NBAS: variants seen among roughly 807,000 people sequenced by gnomAD.
The protein encoded by NBAS is NAG/BC035112 fusion.
In NBAS, 219 loss-of-function variants were observed where a neutral mutation model predicts 302.5. That is an observed-to-expected ratio of 0.72 (90% CI 0.65 to 0.81). The LOEUF is 0.81. NBAS is among the 30% of genes least tolerant of loss of function. The pLI is 0.00. For synonymous variants in NBAS, 1,118 were observed against 1,021.6 expected, an observed-to-expected ratio of 1.09 and a Z score of -1.80; for missense variants, 2,932 against 2,841.6, an observed-to-expected ratio of 1.03 and a Z score of -0.72.
chr2:14,801,496 T>C, the NBAS span, among the ~76,000 whole-genome samples: 4 of 152,176 alleles, frequency 2.6e-5, no homozygotes, highest in African/African-American at 9.7e-5. Context: ...TCTAGAAATT[T>C]GTGTTTTTTT....
At chr2:14,817,024 C>T in the NBAS span, among the ~76,000 whole-genome samples, 3 of 152,178 alleles carry the variant, frequency 2.0e-5, no homozygotes, top group African/African-American at 7.2e-5. Flanking sequence ...AATAATTAGC[C>T]TCTTCCCTGA....
At chr2:15,203,228 A>G (rs1180430368) in intron 48 of NBAS, among the ~76,000 whole-genome samples, 1 of 152,204 alleles carries the variant, frequency 6.6e-6, no homozygotes, top group Non-Finnish European at 1.5e-5. Context: ...TCATAGTTAT[A>G]TATCATTCTG....
chr2:15,200,641 T>A (rs560580196), intron 48 of NBAS, among the ~76,000 whole-genome samples: 1 of 152,340 alleles, frequency 6.6e-6, no homozygotes, highest in East Asian at 1.9e-4. Flanking sequence ...CAAATGTGAC[T>A]CAAACATAAG....
chr2:15,064,569 A>C, the NBAS span, among the ~76,000 whole-genome samples: 1 of 152,200 alleles, frequency 6.6e-6, no homozygotes, highest in African/African-American at 2.4e-5. Context: ...AGACCGAATC[A>C]GTAATCAAAA....
rs1444052296 is a variant in NBAS, at chr2:15,423,013, G to C, written c.2577+1302C>G. On this transcript the variant is annotated intron_variant, in intron 23 of 51. Transcript: ENST00000281513. ...CTGGAGTCTTAAAAAATGTCTAGGTGCACGTTACAACAACCTACGTGGAGT... is the reference window on the plus strand; with the variant it reads ...CTGGAGTCTTAAAAAATGTCTAGGTCCACGTTACAACAACCTACGTGGAGT... Among the ~76,000 whole-genome samples, 3 of 152,228 alleles carry C rather than the reference G, an allele frequency of 2.0e-5. No individual in the cohort carries two copies. The East Asian group carries it at 5.8e-4, about 29-fold the overall frequency.
At chr2:14,850,369 G>A in the NBAS span, among the ~76,000 whole-genome samples, 1 of 104,546 alleles carries the variant, frequency 9.6e-6, no homozygotes, top group Non-Finnish European at 1.7e-5. Flanking sequence ...AATTCAACAA[G>A]AGGAGCTAAC....
At chr2:14,917,749 T>C in the NBAS span, among the ~76,000 whole-genome samples, 1 of 152,190 alleles carries the variant, frequency 6.6e-6, no homozygotes, top group Non-Finnish European at 1.5e-5. Flanking sequence ...TCTTGCAAAG[T>C]ATCTGTTTCA....
chr2:14,911,849 G>A, the NBAS span, among the ~76,000 whole-genome samples: 4 of 152,018 alleles, frequency 2.6e-5, no homozygotes, highest in Non-Finnish European at 5.9e-5. Context: ...TGTAAAATAG[G>A]GACAGTGACA....
intron 48 of NBAS, among the ~76,000 whole-genome samples, chr2:15,211,945 C>T (rs1472413302): frequency 5.9e-5 from 9 of 152,214 alleles, no homozygotes; most frequent in African/African-American, 2.2e-4. Flanking sequence ...AGAATTAAAA[C>T]ATACTAATGA....
At chr2:15,215,778 G>A (rs1334185295) in intron 48 of NBAS, among the ~76,000 whole-genome samples, 1 of 152,134 alleles carries the variant, frequency 6.6e-6, no homozygotes, top group Non-Finnish European at 1.5e-5. Flanking sequence ...ACACCAAGCA[G>A]CCAAGCACAC....
intron 35 of NBAS, among the ~76,000 whole-genome samples, chr2:15,342,206 G>A (rs1231176720): frequency 6.6e-6 from 1 of 152,096 alleles, no homozygotes; most frequent in Non-Finnish European, 1.5e-5. Context: ...AATGCACAGT[G>A]CAGTTTAGTC....
Position 15,374,689 on chromosome 2 carries a change from G to C in NBAS, c.3622C>G (p.Pro1208Ala). 6.2e-7 allele frequency: 1 copy of C among 1,613,808 alleles called. No homozygotes were observed. The highest frequency in any genetic ancestry group is 8.5e-7 in the Non-Finnish European group (1 of 1,179,816). ...CCLQLITDRP[P>A]AIQEELDLIQ... Reference sequence around the variant, plus strand: ...AGATCTAGCTCCTCTTGAATGGCAGGGGGTCTGTCTGTTATCAGTTGTAAG... The same window carrying C: ...AGATCTAGCTCCTCTTGAATGGCAGCGGGTCTGTCTGTTATCAGTTGTAAG... The change falls in exon 31 of 52, where the codon CCT (proline) becomes GCT (alanine). Residue 1208 changes from proline to alanine, a missense_variant. Coordinates refer to ENST00000281513, the MANE Select transcript of NBAS (RefSeq NM_015909.4).
intron 11 of NBAS, among the ~76,000 whole-genome samples, chr2:15,499,095 ATTT>A (rs577015082): frequency 3.4e-4 from 51 of 151,984 alleles, no homozygotes; most frequent in Non-Finnish European, 5.4e-4. Context: ...CACCCAGCTA[ATTT>A]TTGCATTTTT....
the NBAS span, among the ~76,000 whole-genome samples, chr2:15,129,424 C>T: frequency 0.012 from 1,897 of 152,252 alleles, 38 homozygotes; most frequent in African/African-American, 0.039. Context: ...GGACAGTCAC[C>T]GGAAAGAATG....
At chr2:15,257,975 C>T (rs1255886878) in intron 44 of NBAS, among the ~76,000 whole-genome samples, 1 of 152,138 alleles carries the variant, frequency 6.6e-6, no homozygotes, top group Non-Finnish European at 1.5e-5. Context: ...ATATTTAAAT[C>T]TCTACCTCAT....
chr2:15,506,490 A>G lies in NBAS; in HGVS notation c.886-2277T>C, dbSNP rs566328978. On this transcript the variant is annotated intron_variant, in intron 10 of 51. Transcript: ENST00000281513. ...AAGCAAAACAAGAGTAGCATTTTTT[A>G]AAAGTGTAGTGAAAGAGAAGGCGAA... Among the ~76,000 whole-genome samples the G allele has an allele frequency of 2.6e-5, 4 of 152,332 alleles. No homozygotes were observed. In the East Asian group the frequency reaches 7.7e-4, roughly 29 times the overall value.
At chr2:14,900,112 C>CTTTTTTTTTTTTTTTTT in the NBAS span, among the ~76,000 whole-genome samples, 1 of 140,634 alleles carries the variant, frequency 7.1e-6, no homozygotes. Flanking sequence ...AAGTCACATG[C>CTTTTTTTTTTTTTTTTT]TTTTTTTTTT....
the NBAS span, among the ~76,000 whole-genome samples, chr2:15,065,681 A>C: frequency 5.3e-5 from 8 of 152,034 alleles, no homozygotes; most frequent in African/African-American, 1.9e-4. Context: ...AACTTAACCA[A>C]GGAGGCAAAA....
chr2:15,274,741 G>T, intron 44 of NBAS, among the ~76,000 whole-genome samples: 1 of 151,954 alleles, frequency 6.6e-6, no homozygotes, highest in East Asian at 1.9e-4. Context: ...TATACTGCAT[G>T]ATATGAATAA....
Sources: gnomAD v4.1 joint callset for allele counts (sites outside exome capture counted in the v4.1 genomes callset) on GRCh38, gnomAD v4.1.1 for gene constraint, MANE v1.5 for transcripts, NCBI Gene and HGNC (gene_info 2026-07-23, HGNC 2026-07-21) for gene names.